The following CCDC60 variants were observed in gnomAD, a reference collection of about 807,000 sequenced individuals.
CCDC60 encodes the protein coiled-coil domain-containing protein 60.
CCDC60 carries 54 observed loss-of-function variants against 63.5 expected under a neutral mutation model. The ratio of observed to expected loss-of-function variants is 0.85; its 90% CI spans 0.68 to 1.07. The LOEUF (loss-of-function observed/expected upper bound fraction) is 1.07. Among genes scored for constraint, CCDC60 ranks in the 50% least tolerant of loss-of-function variants. The probability of loss-of-function intolerance (pLI) is 0.00; values close to 1 mark genes in which losing one functional copy is unlikely to be tolerated. For missense variants in CCDC60, 651 were observed against 684.3 expected, an observed-to-expected ratio of 0.95 and a Z score of 0.54; for synonymous variants, 206 against 238.8, an observed-to-expected ratio of 0.86 and a Z score of 1.27.
In CCDC60 at chr12:119,520,138, A is replaced by G. The variant is rs778828974; in HGVS notation, c.986A>G (p.Lys329Arg). 33 of 1,613,884 alleles carry G rather than the reference A, an allele frequency of 2.0e-5. No homozygotes were observed. The Middle Eastern group carries it at 8.2e-4, about 40-fold the overall frequency. ...RKAPSILSVLKQNKSNSAYKE... is the reference protein window; with the variant it reads ...RKAPSILSVLRQNKSNSAYKE... ...CCTTGCAGCATCTTGTCAGTGCTGA[A>G]ACAAAACAAGAGTAATTCTGCTTAT... The change falls in exon 9 of 14, where the codon AAA becomes AGA. Residue 329 changes from lysine (K) to arginine (R), a missense_variant. Transcript: ENST00000327554.
chr12:119,364,111 T>G (rs2136168903), intron 1 of CCDC60, among the ~76,000 whole-genome samples: 1 of 152,350 alleles, frequency 6.6e-6, no homozygotes, highest in Non-Finnish European at 1.5e-5. Flanking sequence ...AAACAAGCTT[T>G]AATTTGGGGC....
intron 13 of CCDC60, among the ~76,000 whole-genome samples, chr12:119,540,318 G>T (rs1050062586): frequency 1.3e-5 from 2 of 152,166 alleles, no homozygotes; most frequent in African/African-American, 4.8e-5. Flanking sequence ...ATATTAAGGA[G>T]TAGAAAAGAA....
At chr12:119,511,875 A>G (rs1952222569) in intron 7 of CCDC60, among the ~76,000 whole-genome samples, 1 of 152,190 alleles carries the variant, frequency 6.6e-6, no homozygotes, top group Admixed American at 6.5e-5. Context: ...AGAACCAATC[A>G]CAGCTCCCTT....
chr12:119,529,082 C>T (rs1419551193), intron 12 of CCDC60, among the ~76,000 whole-genome samples: 1 of 152,134 alleles, frequency 6.6e-6, no homozygotes, highest in Admixed American at 6.6e-5. Context: ...TCTACAGATT[C>T]TGAGGTCTAT....
chr12:119,410,182 A>AGTGTGTGT lies in CCDC60; in HGVS notation c.91-18490_91-18483dup, dbSNP rs56384600. Among the ~76,000 whole-genome samples the AGTGTGTGT allele has an allele frequency of 2.7e-5, 4 of 149,464 alleles. No individual in the cohort carries two copies. The highest frequency in any genetic ancestry group is 7.4e-5 in the African/African-American group (3 of 40,680). ...AAAGGTAGATGCTAGTGTTGGAAAG[A>AGTGTGTGT]GTGTGTGTGTGTGTGTGTCTGTGTG... On this transcript the variant is annotated intron_variant, in intron 1 of 13. Coordinates refer to ENST00000327554, the MANE Select transcript of CCDC60 (RefSeq NM_178499.5). This position sits in a 1 kb window ranked among gnomAD's most constrained non-coding sequence, Gnocchi z 4.0.
Position 119,511,170 on chromosome 12 carries a change from C to A in CCDC60, c.884-5453C>A, listed in dbSNP as rs368677338. ...ACCTTTTCCTCCATTTATACCTTAACCTCCATCCAATTTGTCACAGCCTTG... is the reference window on the plus strand; with the variant it reads ...ACCTTTTCCTCCATTTATACCTTAAACTCCATCCAATTTGTCACAGCCTTG... On this transcript the variant is annotated intron_variant, in intron 7 of 13. Coordinates refer to ENST00000327554, the MANE Select transcript of CCDC60 (RefSeq NM_178499.5). Among the ~76,000 whole-genome samples, 24 of 152,284 alleles carry A rather than the reference C, an allele frequency of 1.6e-4. No homozygotes were observed. The East Asian group carries it at 4.6e-3, about 29-fold the overall frequency.
At chr12:119,426,229 A>T (rs1956897090) in intron 1 of CCDC60, among the ~76,000 whole-genome samples, 2 of 152,168 alleles carry the variant, frequency 1.3e-5, no homozygotes, top group Non-Finnish European at 2.9e-5. Context: ...CCAAAGAGAC[A>T]GTTTTTAAAT....
At chr12:119,512,058 C>T (rs1952227347) in intron 7 of CCDC60, among the ~76,000 whole-genome samples, 1 of 152,162 alleles carries the variant, frequency 6.6e-6, no homozygotes, top group South Asian at 2.1e-4. Flanking sequence ...GCCTAGATGG[C>T]TCCAAAGTCA....
intron 5 of CCDC60, among the ~76,000 whole-genome samples, chr12:119,491,785 G>A (rs1951593790): frequency 6.6e-6 from 1 of 151,196 alleles, no homozygotes; most frequent in African/African-American, 2.4e-5. Flanking sequence ...GCTCCTGACA[G>A]CATTTCATCT....
intron 4 of CCDC60, among the ~76,000 whole-genome samples, chr12:119,482,473 T>C (rs1183859194): frequency 1.3e-5 from 2 of 152,180 alleles, no homozygotes; most frequent in Non-Finnish European, 2.9e-5. Flanking sequence ...CCACTTAACT[T>C]TGCTGTTGCA....
intron 1 of CCDC60, among the ~76,000 whole-genome samples, chr12:119,355,352 C>T (rs549306111): frequency 2.0e-5 from 3 of 152,336 alleles, no homozygotes; most frequent in East Asian, 3.9e-4. Flanking sequence ...CTAACTCTCT[C>T]CTTGTTTTCT....
At chr12:119,489,270 T>G (rs1951528182) in intron 5 of CCDC60, among the ~76,000 whole-genome samples, 1 of 152,244 alleles carries the variant, frequency 6.6e-6, no homozygotes, top group Non-Finnish European at 1.5e-5. Context: ...CTTTTCCTCC[T>G]CCTTTCCCTC....
At chr12:119,483,308 C>T (rs536468167) in intron 4 of CCDC60, among the ~76,000 whole-genome samples, 10 of 152,336 alleles carry the variant, frequency 6.6e-5, no homozygotes, top group South Asian at 2.1e-4. Flanking sequence ...TCAGCCAATG[C>T]GGATCAGAGC....
At chr12:119,389,883 T>C (rs1000910350) in intron 1 of CCDC60, among the ~76,000 whole-genome samples, 2 of 152,062 alleles carry the variant, frequency 1.3e-5, no homozygotes, top group African/African-American at 2.4e-5. Flanking sequence ...GAAAACTAAA[T>C]GGAAAATGCA....
chr12:119,406,202 T>TAG lies in CCDC60; in HGVS notation c.91-22480_91-22479insGA, dbSNP rs1295976898. On this transcript the variant is annotated intron_variant, in intron 1 of 13. Coordinates refer to ENST00000327554, the MANE Select transcript of CCDC60 (RefSeq NM_178499.5). ...ATATATATATATATAGATATATATA[T>TAG]ATAGAGAGAGAGAGAGAGAGTTGGG... is the stretch of plus-strand genomic sequence containing the variant. 5.8e-3 allele frequency among the ~76,000 whole-genome samples: 810 copies of TAG among 139,384 alleles called. 5 individuals carry two copies. The highest frequency in any genetic ancestry group is 0.02 in the African/African-American group (762 of 38,928). 91.4% of individuals were successfully genotyped at this position (139,384 alleles called of 152,430 possible). A position where few individuals can be genotyped will look rare whatever the true frequency, so the allele number is the denominator to read the frequency against.
intron 12 of CCDC60, among the ~76,000 whole-genome samples, chr12:119,529,544 A>G (rs1157934259): frequency 6.6e-6 from 1 of 152,218 alleles, no homozygotes; most frequent in Non-Finnish European, 1.5e-5. Context: ...AAAGTAAAAA[A>G]TGTACCCAGA....
chr12:119,379,561 T>C (rs1372571418), intron 1 of CCDC60, among the ~76,000 whole-genome samples: 1 of 152,242 alleles, frequency 6.6e-6, no homozygotes, highest in Non-Finnish European at 1.5e-5. Context: ...GACACTCTAA[T>C]AATCATATAA....
intron 1 of CCDC60, among the ~76,000 whole-genome samples, chr12:119,387,818 C>T (rs1956086964): frequency 6.6e-6 from 1 of 152,120 alleles, no homozygotes; most frequent in Non-Finnish European, 1.5e-5. Context: ...TTCCCTAGGT[C>T]CCCTCTGACG....
intron 6 of CCDC60, among the ~76,000 whole-genome samples, chr12:119,502,684 G>GAT (rs1951884861): frequency 6.6e-6 from 1 of 152,106 alleles, no homozygotes; most frequent in African/African-American, 2.4e-5. Context: ...CTAGCTCAAG[G>GAT]AAGACACCCC....
Sources: allele counts gnomAD v4.1 joint callset (sites outside exome capture counted in the v4.1 genomes callset), GRCh38; gene constraint gnomAD v4.1.1; non-coding constraint Gnocchi (gnomAD v3.1); transcripts MANE v1.5; gene names NCBI Gene and HGNC (gene_info 2026-07-23, HGNC 2026-07-21).